The following ZNF33A variants were observed in gnomAD, a reference collection of about 807,000 sequenced individuals.
ZNF33A encodes the protein zinc finger protein 33A, also known as brain my041 protein.
ZNF33A carries 9 observed loss-of-function variants against 15.9 expected under a neutral mutation model. The observed-to-expected ratio is 0.57, with a 90% CI of 0.34 to 0.99. The LOEUF (loss-of-function observed/expected upper bound fraction) is 0.99, where lower values mean the gene tolerates loss of function less well. Ranked by LOEUF, ZNF33A falls within the 50% of genes least tolerant of loss-of-function variation. The pLI is 0.02. For missense variants in ZNF33A, 843 were observed against 941.6 expected, an observed-to-expected ratio of 0.90 and a Z score of 1.37; for synonymous variants, 294 against 324.2, an observed-to-expected ratio of 0.91 and a Z score of 1.00.
At position 38,050,517 on chromosome 10, in the gene ZNF33A, A is replaced by T. The variant is rs144352930; in HGVS notation, c.251-3858A>T. Among the ~76,000 whole-genome samples the T allele has an allele frequency of 1.5e-3, 223 of 152,336 alleles. 6 individuals carry two copies. The East Asian group carries it at 0.036, about 24-fold the overall frequency. Reference sequence around the variant, plus strand: ...CTTTGAACTTGTGATTTGTATGTAAAGTCTGATGGACACTGGACTATGTGT... The same window carrying T: ...CTTTGAACTTGTGATTTGTATGTAATGTCTGATGGACACTGGACTATGTGT... On this transcript the variant is annotated intron_variant, in intron 4 of 4. Transcript: ENST00000432900.
At chr10:38,035,245 G>A (rs1378370781) in intron 4 of ZNF33A, among the ~76,000 whole-genome samples, 3 of 144,436 alleles carry the variant, frequency 2.1e-5, no homozygotes, top group African/African-American at 7.7e-5. Flanking sequence ...AGCTTCTCAA[G>A]TAGCCGGGAC....
At chr10:38,025,851 T>C (rs966755122) in intron 4 of ZNF33A, among the ~76,000 whole-genome samples, 1 of 152,234 alleles carries the variant, frequency 6.6e-6, no homozygotes, top group Non-Finnish European at 1.5e-5. Context: ...CTCACAATGT[T>C]GTATAGCCAT....
chr10:38,042,350 T>G (rs954751153), intron 4 of ZNF33A, among the ~76,000 whole-genome samples: 4 of 151,888 alleles, frequency 2.6e-5, no homozygotes, highest in African/African-American at 9.7e-5. Flanking sequence ...CACAGCTAAT[T>G]TTTGTGTTTT....
chr10:38,065,177 T>G (rs1336072990), downstream of ZNF33A: 1 of 152,462 alleles, frequency 6.6e-6, no homozygotes, highest in Non-Finnish European at 1.5e-5. Flanking sequence ...TTCAAACAAT[T>G]CTCCTGCCTT....
chr10:38,013,527 A>G (rs980476264), intron 2 of ZNF33A, among the ~76,000 whole-genome samples: 2 of 150,732 alleles, frequency 1.3e-5, no homozygotes, highest in Non-Finnish European at 2.9e-5. Context: ...TCCCTGGTTC[A>G]AGTGATTCTC....
chr10:38,033,719 T>C (rs2065316375), intron 4 of ZNF33A, among the ~76,000 whole-genome samples: 1 of 152,016 alleles, frequency 6.6e-6, no homozygotes, highest in Non-Finnish European at 1.5e-5. Context: ...ATCTTTTTTT[T>C]TTTTTCTTTT....
chr10:38,054,433 G>A lies in ZNF33A; in HGVS notation c.309G>A (p.Leu103=). ...GCCAAGAAAACCAATCTAAACATTT[G>A]TGGGAAGTTGTATTCATCAATAATG... ...ERSQENQSKH[L]WEVVFINNEM... is the part of the protein sequence containing the mutation. Residue 103 remains leucine (L), a synonymous_variant, in exon 5 of 5, where the codon TTG becomes TTA. Transcript: ENST00000432900. 6.2e-7 allele frequency: 1 copy of A among 1,604,698 alleles called. No individual in the cohort carries two copies. The highest frequency in any genetic ancestry group is 8.5e-7 in the Non-Finnish European group (1 of 1,176,856).
intron 4 of ZNF33A, among the ~76,000 whole-genome samples, chr10:38,038,975 T>C (rs1458388535): frequency 6.6e-6 from 1 of 152,176 alleles, no homozygotes; most frequent in Admixed American, 6.5e-5. Flanking sequence ...TGGATGAAAT[T>C]TGCTAGTATT....
At chr10:38,020,885 A>C (rs1449658010) in intron 4 of ZNF33A, among the ~76,000 whole-genome samples, 1 of 152,130 alleles carries the variant, frequency 6.6e-6, no homozygotes, top group African/African-American at 2.4e-5. Context: ...TGATAGCTCT[A>C]TTTTTAGTTT....
downstream of ZNF33A, among the ~76,000 whole-genome samples, chr10:38,060,457 CA>C (rs1404107741): frequency 1.3e-5 from 2 of 152,216 alleles, no homozygotes; most frequent in African/African-American, 4.8e-5. Flanking sequence ...CTGGATAATA[CA>C]GCTGCTCGCC....
intron 2 of ZNF33A, among the ~76,000 whole-genome samples, chr10:38,013,884 A>C (rs777503281): frequency 2.0e-4 from 30 of 152,072 alleles, no homozygotes; most frequent in South Asian, 4.1e-4. Flanking sequence ...AGCACTCCTG[A>C]AGCTGCCGTC....
At position 38,055,366 on chromosome 10, in the gene ZNF33A, A is replaced by G. The variant is rs373354848; in HGVS notation, c.1242A>G (p.Gln414=). ...CACATACAGGGGAGAAACCCTATCA[A>G]TGTAATGCGTGTGGGAAAACTTTTT... ...QRTHTGEKPY[Q]CNACGKTFCQ... Residue 414 remains glutamine (Q), a synonymous_variant, in exon 5 of 5, where the codon CAA becomes CAG. Transcript: ENST00000432900. The G allele has an allele frequency of 3.9e-5, 63 of 1,613,998 alleles. No homozygotes were observed. The highest frequency in any genetic ancestry group is 2.7e-4 in the African/African-American group (20 of 74,910).
intron 4 of ZNF33A, among the ~76,000 whole-genome samples, chr10:38,025,736 G>C (rs1366628645): frequency 6.6e-6 from 1 of 152,208 alleles, no homozygotes; most frequent in African/African-American, 2.4e-5. Flanking sequence ...AATTCAGCCA[G>C]GTATTCAGCA....
chr10:38,034,006 C>T lies in ZNF33A; in HGVS notation c.250+16620C>T, dbSNP rs1314368230. 4.6e-5 allele frequency among the ~76,000 whole-genome samples: 7 copies of T among 152,232 alleles called. No individual in the cohort carries two copies. In the South Asian group the frequency reaches 1.2e-3, roughly 27 times the overall value. ...GATTACAGGCGTGAGCTGCTGCTCC[C>T]GGCCTGATGTTGAACATCTTTTTAT... On this transcript the variant is annotated intron_variant, in intron 4 of 4. Transcript: ENST00000432900.
At position 38,056,436 on chromosome 10, in the gene ZNF33A, A is replaced by G. The variant is rs1488339418; in HGVS notation, c.2312A>G (p.His771Arg). 5 of 1,613,976 alleles carry G rather than the reference A, an allele frequency of 3.1e-6. No homozygotes were observed. Among genetic ancestry groups the G allele is most frequent in the East Asian group, 2.2e-5 (1 of 44,880 alleles). The change falls in exon 5 of 5, where the codon CAT becomes CGT. Residue 771 changes from histidine (H) to arginine (R), a missense_variant. Coordinates refer to ENST00000432900, the MANE Select transcript of ZNF33A (RefSeq NM_006954.2). ...AATCTCATTGTACATCAGAGAAGACATATAGGAGAAAACCTTATGAATGAA... is the reference window on the plus strand; with the variant it reads ...AATCTCATTGTACATCAGAGAAGACGTATAGGAGAAAACCTTATGAATGAA... ...KSNLIVHQRR[H>R]IGENLMNEMD...
chr10:38,015,030 A>T (rs1437087538), intron 2 of ZNF33A, among the ~76,000 whole-genome samples: 1 of 151,812 alleles, frequency 6.6e-6, no homozygotes, highest in Non-Finnish European at 1.5e-5. Context: ...CTGCCACCAC[A>T]CCTGGCTAAT....
chr10:38,051,430 T>C (rs2066199324), intron 4 of ZNF33A, among the ~76,000 whole-genome samples: 1 of 152,168 alleles, frequency 6.6e-6, no homozygotes, highest in African/African-American at 2.4e-5. Context: ...AAAATCAACC[T>C]TCTCAAAATT....
At chr10:38,062,236 T>C (rs1296501345), downstream of ZNF33A, among the ~76,000 whole-genome samples, 1 of 152,154 alleles carries the variant, frequency 6.6e-6, no homozygotes, top group Non-Finnish European at 1.5e-5. Flanking sequence ...CCTTTCTGGC[T>C]CTTTCATCTT....
At chr10:38,066,858 G>C (rs2066714071), downstream of ZNF33A, among the ~76,000 whole-genome samples, 2 of 152,218 alleles carry the variant, frequency 1.3e-5, no homozygotes, top group African/African-American at 4.8e-5. Flanking sequence ...CTTGAACCTG[G>C]GAGGTGGAGG....
Sources: gnomAD v4.1 joint callset for allele counts (sites outside exome capture counted in the v4.1 genomes callset) on GRCh38, gnomAD v4.1.1 for gene constraint, MANE v1.5 for transcripts, NCBI Gene and HGNC (gene_info 2026-07-23, HGNC 2026-07-21) for gene names.